Variants in TRIB2 observed in about 807,000 individuals in gnomAD.
TRIB2 encodes tribbles pseudokinase 2, also known as tribbles homolog 2.
A neutral mutation model predicts 26.8 loss-of-function variants in TRIB2; 2 were observed. That is an observed-to-expected ratio of 0.07 (90% CI 0.03 to 0.24). The LOEUF (loss-of-function observed/expected upper bound fraction) is 0.24. Ranked by LOEUF, TRIB2 falls within the 10% of genes least tolerant of loss-of-function variation. The probability of loss-of-function intolerance (pLI) is 1.00; values close to 1 mark genes in which losing one functional copy is unlikely to be tolerated. For missense variants in TRIB2, 306 were observed against 449.0 expected, an observed-to-expected ratio of 0.68 and a Z score of 2.88; for synonymous variants, 189 against 187.3, an observed-to-expected ratio of 1.01 and a Z score of -0.08.
chr2:12,727,663 G>C (rs1002617425), intron 2 of TRIB2, among the ~76,000 whole-genome samples: 1 of 152,076 alleles, frequency 6.6e-6, no homozygotes, highest in Non-Finnish European at 1.5e-5. Flanking sequence ...CGTTCCCAGG[G>C]ATGTTTGTGC....
rs374295040 is a variant in TRIB2, at chr2:12,723,491, G to A, written c.502G>A (p.Asp168Asn). The A allele has an allele frequency of 2.9e-5, 47 of 1,614,100 alleles. No homozygotes were observed. The highest frequency in any genetic ancestry group is 3.3e-5 in the Non-Finnish European group (39 of 1,180,056). Residue 168 changes from aspartate to asparagine, a missense_variant, in exon 2 of 3, where the codon GAC (aspartate) becomes AAC (asparagine). Physicochemically the swap from Asp to Asn is conservative, Grantham distance 23. Coordinates refer to ENST00000155926, the MANE Select transcript of TRIB2 (RefSeq NM_021643.4). ...QIASAVAHCH[D>N]GGLVLRDLKL... ...TGCCTCGGCAGTGGCCCACTGCCAT[G>A]ACGGGGGGCTGGTGCTGCGGGACCT...
Position 12,725,797 on chromosome 2 carries a change from G to A in TRIB2, c.563+2245G>A, listed in dbSNP as rs533326004. ...TCCAAGGTAAAAAGAGAATGTAAAG[G>A]ACTGTAGGGAGCTGGCCTATATAGT... On this transcript the variant is annotated intron_variant, in intron 2 of 2. Transcript: ENST00000155926. Among the ~76,000 whole-genome samples the A allele has an allele frequency of 2.0e-5, 3 of 152,236 alleles. No individual in the cohort carries two copies. The East Asian group carries it at 5.8e-4, about 29-fold the overall frequency.
rs1666639081 is a variant in TRIB2 at position 12,718,108 on chromosome 2, G to A, written c.-200G>A. On this transcript the variant is annotated 5_prime_UTR_variant, in exon 1 of 3. Coordinates refer to ENST00000155926, the MANE Select transcript of TRIB2 (RefSeq NM_021643.4). This position sits in a 1 kb window ranked among gnomAD's most constrained non-coding sequence, Gnocchi z 4.0. Reference sequence around the variant, plus strand: ...GCCTGCCGACCGAGGACCCCCGGGAGCCGGGCTCGGAGCAGACGAGGTATC... The same window carrying A: ...GCCTGCCGACCGAGGACCCCCGGGAACCGGGCTCGGAGCAGACGAGGTATC... The A allele has an allele frequency of 2.9e-6, 2 of 697,708 alleles. No individual in the cohort carries two copies. The highest frequency in any genetic ancestry group is 4.6e-6 in the Non-Finnish European group (2 of 435,398). 43.2% of individuals were successfully genotyped at this position (697,708 alleles called of 1,614,324 possible). A position where few individuals can be genotyped will look rare whatever the true frequency, so the allele number is the denominator to read the frequency against.
At chr2:12,722,527 C>T (rs988730393) in intron 1 of TRIB2, among the ~76,000 whole-genome samples, 6 of 152,160 alleles carry the variant, frequency 3.9e-5, no homozygotes, top group East Asian at 1.9e-4. Context: ...TTTAAGCAAC[C>T]GCACAATGAG....
intron 1 of TRIB2, among the ~76,000 whole-genome samples, chr2:12,719,146 G>T (rs886590258): frequency 1.3e-5 from 2 of 152,120 alleles, no homozygotes; most frequent in African/African-American, 2.4e-5. Context: ...TTGAAAGGAG[G>T]GTTGGGGTGG....
chr2:12,717,518 C>G lies in TRIB2; in HGVS notation c.-790C>G. On this transcript the variant is annotated 5_prime_UTR_variant, in exon 1 of 3. Transcript: ENST00000155926. This position sits in a 1 kb window ranked among gnomAD's most constrained non-coding sequence, Gnocchi z 4.8. ...CAGGGCTTTGTCGCGGTACCTGCGC[C>G]CAGCCCGCGCCGCAACTCTGTGCCC... is the stretch of plus-strand genomic sequence containing the variant. 2.5e-6 allele frequency: 1 copy of G among 398,394 alleles called. No homozygotes were observed. The highest frequency in any genetic ancestry group is 4.4e-6 in the Non-Finnish European group (1 of 225,872). The allele number at this position is 398,394 out of a possible 1,614,324, so 24.7% of individuals were successfully genotyped here.
chr2:12,718,117 G>C lies in TRIB2; in HGVS notation c.-191G>C, dbSNP rs1348124568. The C allele has an allele frequency of 1.7e-5, 13 of 764,228 alleles. No individual in the cohort carries two copies. Among genetic ancestry groups the C allele is most frequent in the Non-Finnish European group, 2.0e-6 (1 of 496,070 alleles). 47.3% of individuals were successfully genotyped at this position (764,228 alleles called of 1,614,324 possible). A position where few individuals can be genotyped will look rare whatever the true frequency, so the allele number is the denominator to read the frequency against. ...CCGAGGACCCCCGGGAGCCGGGCTC[G>C]GAGCAGACGAGGTATCCGGCGGCGC... is the stretch of plus-strand genomic sequence containing the variant. On this transcript the variant is annotated 5_prime_UTR_variant, in exon 1 of 3. Coordinates refer to ENST00000155926, the MANE Select transcript of TRIB2 (RefSeq NM_021643.4). This position sits in a 1 kb window ranked among gnomAD's most constrained non-coding sequence, Gnocchi z 4.0.
Position 12,718,230 on chromosome 2 carries a change from G to A in TRIB2, c.-78G>A. The A allele has an allele frequency of 6.5e-7, 1 of 1,540,456 alleles. No homozygotes were observed. On this transcript the variant is annotated 5_prime_UTR_variant, in exon 1 of 3. Transcript: ENST00000155926. This position sits in a 1 kb window ranked among gnomAD's most constrained non-coding sequence, Gnocchi z 4.0. ...CCCTTTTAAAATCAGTGGCACCGAGGCGCCTGCAGCCGCACTCGCCAGCGA... is the reference window on the plus strand; with the variant it reads ...CCCTTTTAAAATCAGTGGCACCGAGACGCCTGCAGCCGCACTCGCCAGCGA...
In TRIB2 at chr2:12,718,356, T is replaced by C; in HGVS notation, c.49T>C (p.Ser17Pro). The change falls in exon 1 of 3, where the codon TCG (serine) becomes CCG (proline). Residue 17 changes from serine to proline, a missense_variant. Coordinates refer to ENST00000155926, the MANE Select transcript of TRIB2 (RefSeq NM_021643.4). The surrounding 1 kb of genome is among the most constrained non-coding windows in gnomAD (Gnocchi z 4.0). The part of the protein sequence containing the change: ...TPITIARYGR[S>P]RNKTQDFEEL... ...CATCACAATAGCGAGATATGGGAGA[T>C]CGCGGAACAAAACCCAGGATTTCGA... is the stretch of plus-strand genomic sequence containing the variant. The C allele has an allele frequency of 6.2e-7, 1 of 1,614,102 alleles. No individual in the cohort carries two copies. Among genetic ancestry groups the C allele is most frequent in the African/African-American group, 1.3e-5 (1 of 74,972 alleles).
chr2:12,718,722 T>C lies in TRIB2; in HGVS notation c.270+145T>C, dbSNP rs1666656692. ...GGGTTTATTTATTTATTTGCTCAGG[T>C]TCGGTAAGTTGCGAAGTTTTTAGAC... On this transcript the variant is annotated intron_variant, in intron 1 of 2. Coordinates refer to ENST00000155926, the MANE Select transcript of TRIB2 (RefSeq NM_021643.4). The surrounding 1 kb of genome is among the most constrained non-coding windows in gnomAD (Gnocchi z 4.0). 13 of 1,235,402 alleles carry C rather than the reference T, an allele frequency of 1.1e-5. No individual in the cohort carries two copies. Among genetic ancestry groups the C allele is most frequent in the African/African-American group, 1.5e-5 (1 of 65,544 alleles). 76.5% of individuals were successfully genotyped at this position (1,235,402 alleles called of 1,614,324 possible). A position where few individuals can be genotyped will look rare whatever the true frequency, so the allele number is the denominator to read the frequency against.
At position 12,718,643 on chromosome 2, in the gene TRIB2, C is replaced by G. The variant is rs1462438004; in HGVS notation, c.270+66C>G. The G allele has an allele frequency of 1.3e-6, 2 of 1,571,836 alleles. No homozygotes were observed. Among genetic ancestry groups the G allele is most frequent in the South Asian group, 1.1e-5 (1 of 87,160 alleles). On this transcript the variant is annotated intron_variant, in intron 1 of 2. Coordinates refer to ENST00000155926, the MANE Select transcript of TRIB2 (RefSeq NM_021643.4). This position sits in a 1 kb window ranked among gnomAD's most constrained non-coding sequence, Gnocchi z 4.0. ...CCGAGGGAGCGGGAGGGCGCCAGGC[C>G]CTCGAGTCTGGGAGAGGGAGATTCG...
chr2:12,740,878 T>A lies in TRIB2; in HGVS notation c.*84T>A. The A allele has an allele frequency of 1.6e-6, 2 of 1,286,816 alleles. No individual in the cohort carries two copies. Among genetic ancestry groups the A allele is most frequent in the Admixed American group, 4.3e-5 (2 of 46,238 alleles). 79.7% of individuals were successfully genotyped at this position (1,286,816 alleles called of 1,614,324 possible). ...GTTCTTCCGGGGGACACGAATTGCC[T>A]GGCTGAGTAGCAAGAAAGACACACT... On this transcript the variant is annotated 3_prime_UTR_variant, in exon 3 of 3. Coordinates refer to ENST00000155926, the MANE Select transcript of TRIB2 (RefSeq NM_021643.4). The surrounding 1 kb of genome is among the most constrained non-coding windows in gnomAD (Gnocchi z 5.8).
chr2:12,742,077 T>A lies in TRIB2; in HGVS notation c.*1283T>A, dbSNP rs1290886820. 6.5e-6 allele frequency: 1 copy of A among 152,694 alleles called. No homozygotes were observed. The highest frequency in any genetic ancestry group is 2.4e-5 in the African/African-American group (1 of 41,472). The allele number at this position is 152,694 out of a possible 1,614,324, so 9.5% of individuals were successfully genotyped here. Reference sequence around the variant, plus strand: ...TATTACATGCTGTAGTTAACATTTATAATTCTTTTTCCTTGTTTGAGTATT... The same window carrying A: ...TATTACATGCTGTAGTTAACATTTAAAATTCTTTTTCCTTGTTTGAGTATT... On this transcript the variant is annotated 3_prime_UTR_variant, in exon 3 of 3. Transcript: ENST00000155926.
At chr2:12,737,631 G>A (rs1459096021) in intron 2 of TRIB2, among the ~76,000 whole-genome samples, 8 of 152,220 alleles carry the variant, frequency 5.3e-5, no homozygotes, top group African/African-American at 1.7e-4. Flanking sequence ...AGCTATAGGC[G>A]CAGAAGACTA....
rs917773734 is a variant in TRIB2, at chr2:12,718,786, C to T, written c.270+209C>T. On this transcript the variant is annotated intron_variant, in intron 1 of 2. Transcript: ENST00000155926. The surrounding 1 kb of genome is among the most constrained non-coding windows in gnomAD (Gnocchi z 4.0). Reference sequence around the variant, plus strand: ...GGGGCGGGCGGCAGTGGGGGCGTTTCGGGGAGAGCCCGGGGAGGAGAGGGC... The same window carrying T: ...GGGGCGGGCGGCAGTGGGGGCGTTTTGGGGAGAGCCCGGGGAGGAGAGGGC... 2.6e-5 allele frequency among the ~76,000 whole-genome samples: 4 copies of T among 151,524 alleles called. No individual in the cohort carries two copies. Among genetic ancestry groups the T allele is most frequent in the Non-Finnish European group, 4.4e-5 (3 of 67,898 alleles).
chr2:12,729,784 G>A (rs750305293), intron 2 of TRIB2, among the ~76,000 whole-genome samples: 2 of 152,072 alleles, frequency 1.3e-5, no homozygotes, highest in Non-Finnish European at 2.9e-5. Context: ...GCTAGTGTGG[G>A]TCCTCAAGCA....
Position 12,741,490 on chromosome 2 carries a change from G to T in TRIB2, c.*696G>T, listed in dbSNP as rs1443476252. The T allele has an allele frequency of 6.6e-6, 1 of 152,328 alleles. No homozygotes were observed. Among genetic ancestry groups the T allele is most frequent in the Non-Finnish European group, 1.5e-5 (1 of 68,056 alleles). 9.4% of individuals were successfully genotyped at this position (152,328 alleles called of 1,614,324 possible). A position where few individuals can be genotyped will look rare whatever the true frequency, so the allele number is the denominator to read the frequency against. ...AAGCTATTCTGTTTTGTGTCAATTG[G>T]TTCGTGGCAGGAAGCTATTAGAAGT... On this transcript the variant is annotated 3_prime_UTR_variant, in exon 3 of 3. Coordinates refer to ENST00000155926, the MANE Select transcript of TRIB2 (RefSeq NM_021643.4).
At chr2:12,726,896 G>A (rs1023747287) in intron 2 of TRIB2, among the ~76,000 whole-genome samples, 5 of 152,168 alleles carry the variant, frequency 3.3e-5, no homozygotes, top group Admixed American at 1.3e-4. Context: ...CTAAAGTTTC[G>A]ATTGTGTGCC....
intron 2 of TRIB2, among the ~76,000 whole-genome samples, chr2:12,725,209 T>C (rs997639932): frequency 3.3e-5 from 5 of 152,212 alleles, no homozygotes; most frequent in African/African-American, 9.7e-5. Flanking sequence ...TCGTCTTTGA[T>C]TGTGTTTCCA....
Sources: gnomAD v4.1 joint callset for allele counts (sites outside exome capture counted in the v4.1 genomes callset) on GRCh38, gnomAD v4.1.1 for gene constraint, Gnocchi (gnomAD v3.1) non-coding constraint, MANE v1.5 for transcripts, NCBI Gene and HGNC (gene_info 2026-07-23, HGNC 2026-07-21) for gene names.